Variants in DMXL1 observed in about 807,000 individuals in gnomAD.
DMXL1 encodes the protein Dmx like 1, also known as dmX-like protein 1.
A neutral mutation model predicts 319.2 loss-of-function variants in DMXL1; 99 were observed. The ratio of observed to expected loss-of-function variants is 0.31; its 90% CI spans 0.26 to 0.37. DMXL1 has a LOEUF of 0.37. DMXL1 is among the 10% of genes least tolerant of loss of function. The pLI is 1.00. For synonymous variants in DMXL1, 1,385 were observed against 1,235.2 expected, an observed-to-expected ratio of 1.12 and a Z score of -2.54; for missense variants, 3,745 against 3,595.6, an observed-to-expected ratio of 1.04 and a Z score of -1.06.
chr5:119,107,835 A>G (rs991845158), intron 4 of DMXL1, among the ~76,000 whole-genome samples: 1 of 152,052 alleles, frequency 6.6e-6, no homozygotes, highest in Non-Finnish European at 1.5e-5. Context: ...TTGCTCTACT[A>G]TTTATTGAGC....
intron 39 of DMXL1, 70 bp from the exon 40 acceptor site, chr5:119,237,252 A>G (rs530418133): frequency 3.3e-6 from 3 of 899,924 alleles, no homozygotes; most frequent in African/African-American, 3.4e-5. Flanking sequence ...TGGGTGTCAC[A>G]CTGAGGGTAA....
Position 119,170,990 on chromosome 5 carries a change from G to A in DMXL1, c.6199G>A (p.Val2067Met), listed in dbSNP as rs9790916. 0.066 allele frequency: 106,485 copies of A among 1,613,648 alleles called. 7,814 individuals are homozygous for A. The highest frequency in any genetic ancestry group is 0.44 in the East Asian group (19,698 of 44,838). ...YQLYHWLEKE[V>M]IALQRTCDFC... The stretch of plus-strand genomic sequence containing the variant: ...ACTATACCACTGGCTTGAAAAAGAG[G>A]TGATAGCTCTTCAGAGGACTTGTGA... Residue 2067 changes from valine to methionine, a missense_variant, in exon 24 of 44, where the codon GTG becomes ATG. Around this residue, in one of 4 missense-constraint regions of DMXL1, gnomAD observed 1,382 missense variants for 1,269.5 expected, o/e 1.09. Transcript: ENST00000539542.
At position 119,116,313 on chromosome 5, in the gene DMXL1, T is replaced by G. The variant is rs1760830058; in HGVS notation, c.720T>G (p.Arg240=). 6.2e-7 allele frequency: 1 copy of G among 1,613,944 alleles called. No homozygotes were observed. The highest frequency in any genetic ancestry group is 8.5e-7 in the Non-Finnish European group (1 of 1,179,974). ...HPRAVNGFSW[R]KTSKYMPRAS... ...GAGCAGTAAATGGATTTTCCTGGCGTAAAACAAGCAAATATATGCCTAGGT... is the reference window on the plus strand; with the variant it reads ...GAGCAGTAAATGGATTTTCCTGGCGGAAAACAAGCAAATATATGCCTAGGT... The change falls in exon 7 of 44, where the codon CGT becomes CGG. Residue 240 remains arginine (R), a synonymous_variant. Coordinates refer to ENST00000539542, the MANE Select transcript of DMXL1 (RefSeq NM_001290321.3).
chr5:119,184,666 A>C (rs989709713), intron 28 of DMXL1, among the ~76,000 whole-genome samples: 14 of 152,188 alleles, frequency 9.2e-5, no homozygotes, highest in Non-Finnish European at 1.9e-4. Flanking sequence ...AATCCCTGGT[A>C]ATCACTATTC....
At position 119,244,516 on chromosome 5, in the gene DMXL1, C is replaced by A; in HGVS notation, c.8862C>A (p.Ala2954=). 2 of 1,614,086 alleles carry A rather than the reference C, an allele frequency of 1.2e-6. No homozygotes were observed. Among genetic ancestry groups the A allele is most frequent in the Non-Finnish European group, 1.7e-6 (2 of 1,180,018 alleles). The part of the protein sequence containing the change: ...LFQSHDSPVK[A]VAVDPTEEYF... ...AGAGCCATGATTCTCCTGTTAAAGC[C>A]GTTGCTGTTGATCCAACTGAAGAGT... is the stretch of plus-strand genomic sequence containing the variant. The change falls in exon 43 of 44, where the codon GCC becomes GCA. Residue 2954 remains alanine (A), a synonymous_variant. Coordinates refer to ENST00000539542, the MANE Select transcript of DMXL1 (RefSeq NM_001290321.3).
Position 119,129,437 on chromosome 5 carries a change from G to A in DMXL1, c.1315+14G>A. ...AATCTGATGAAGGTAAACTTTAAGA[G>A]GAAAGGAAAATTTAAAGTTTTGCTC... On this transcript the variant is annotated intron_variant, in intron 10 of 43. Transcript: ENST00000539542. 1.9e-6 allele frequency: 3 copies of A among 1,562,022 alleles called. No individual in the cohort carries two copies. The highest frequency in any genetic ancestry group is 1.2e-5 in the South Asian group (1 of 83,906).
At chr5:119,167,536 G>C in intron 22 of DMXL1, 67 bp from the exon 23 acceptor site, 1 of 1,317,094 alleles carries the variant, frequency 7.6e-7, no homozygotes, top group Non-Finnish European at 1.0e-6. Flanking sequence ...TTATTAGTGA[G>C]TTAACAGAAT....
At chr5:119,151,148 G>T (rs964623339) in intron 18 of DMXL1, among the ~76,000 whole-genome samples, 4 of 151,496 alleles carry the variant, frequency 2.6e-5, no homozygotes, top group African/African-American at 4.9e-5. Flanking sequence ...AAAACATTGA[G>T]TTTTTTTTAA....
rs778214012 is a variant in DMXL1 at position 119,121,132 on chromosome 5, A to T, written c.1095A>T (p.Pro365=). ...CHFHIAASIN[P]ATDIPLLPSI... ...TTCATATTGCAGCCAGCATCAACCC[A>T]GCCACAGGTAATGAAACATTGTTCA... The change falls in exon 9 of 44, where the codon CCA becomes CCT. Residue 365 remains proline, a synonymous_variant. Coordinates refer to ENST00000539542, the MANE Select transcript of DMXL1 (RefSeq NM_001290321.3). 1.9e-6 allele frequency: 3 copies of T among 1,600,970 alleles called. No individual in the cohort carries two copies. The South Asian group carries it at 3.4e-5, about 18-fold the overall frequency.
chr5:119,142,379 A>G (rs1767574486), intron 13 of DMXL1, among the ~76,000 whole-genome samples: 1 of 152,110 alleles, frequency 6.6e-6, no homozygotes, highest in South Asian at 2.1e-4. Context: ...AGTAAAGGAC[A>G]TGAGCACTTT....
intron 31 of DMXL1, among the ~76,000 whole-genome samples, chr5:119,197,425 C>A (rs1243060778): frequency 6.6e-6 from 1 of 152,146 alleles, no homozygotes; most frequent in African/African-American, 2.4e-5. Flanking sequence ...GCCTGTGGGC[C>A]ATGGGTTGGA....
rs1581488765 is a variant in DMXL1 at position 119,237,375 on chromosome 5, ATGT to A, written c.8524_8526del (p.Cys2842del). 3 of 1,605,262 alleles carry A rather than the reference ATGT, an allele frequency of 1.9e-6. No individual in the cohort carries two copies. In the East Asian group the frequency reaches 6.7e-5, roughly 36 times the overall value. On this transcript the variant is annotated inframe_deletion, in exon 40 of 44. Transcript: ENST00000539542. ...TAAGTTTGTATCAAACAAACTGGAA[ATGT>A]TGTCCAGTTACTGGAAGCATGCCTA...
chr5:119,088,574 T>C (rs1753884608), intron 1 of DMXL1, among the ~76,000 whole-genome samples: 1 of 152,194 alleles, frequency 6.6e-6, no homozygotes, highest in African/African-American at 2.4e-5. Flanking sequence ...CTTCCTTTCT[T>C]ACTGTTATCC....
chr5:119,231,896 A>G (rs967180747), intron 38 of DMXL1, among the ~76,000 whole-genome samples: 1 of 152,120 alleles, frequency 6.6e-6, no homozygotes, highest in African/African-American at 2.4e-5. Context: ...CATTGAATTG[A>G]GTTTTGATTT....
At chr5:119,097,666 G>A (rs1292379615) in intron 1 of DMXL1, among the ~76,000 whole-genome samples, 3 of 152,178 alleles carry the variant, frequency 2.0e-5, no homozygotes, top group African/African-American at 4.8e-5. Flanking sequence ...GGAGTGAGCC[G>A]AGATTGCGCC....
intron 1 of DMXL1, among the ~76,000 whole-genome samples, chr5:119,084,456 T>A (rs1226033443): frequency 6.6e-6 from 1 of 152,228 alleles, no homozygotes; most frequent in Non-Finnish European, 1.5e-5. Context: ...TAAAATTGTT[T>A]TGGCTATTTG....
intron 4 of DMXL1, among the ~76,000 whole-genome samples, chr5:119,105,929 A>G (rs1758250131): frequency 6.6e-6 from 1 of 151,984 alleles, no homozygotes. Flanking sequence ...AATATAATGA[A>G]TATATGTATC....
At chr5:119,075,553 T>C (rs1423526335) in intron 1 of DMXL1, among the ~76,000 whole-genome samples, 1 of 152,164 alleles carries the variant, frequency 6.6e-6, no homozygotes, top group Non-Finnish European at 1.5e-5. Context: ...AGTTTCTTTT[T>C]CAAAGTCAGT....
chr5:119,194,825 T>A (rs1311669572), intron 30 of DMXL1, among the ~76,000 whole-genome samples: 2 of 151,972 alleles, frequency 1.3e-5, no homozygotes, highest in African/African-American at 2.4e-5. Context: ...GAGGCCGAGG[T>A]GGTCAGATCA....
Sources: allele counts gnomAD v4.1 joint callset (sites outside exome capture counted in the v4.1 genomes callset), GRCh38; gene constraint gnomAD v4.1.1; regional missense constraint gnomAD v4.1.1; transcripts MANE v1.5; gene names NCBI Gene and HGNC (gene_info 2026-07-23, HGNC 2026-07-21).